The following MIA2 variants were observed in gnomAD, a reference collection of about 807,000 sequenced individuals.
MIA2 encodes melanoma inhibitory activity protein 2.
MIA2 carries 127 observed loss-of-function variants against 167.8 expected under a neutral mutation model. The ratio of observed to expected loss-of-function variants is 0.76; its 90% CI spans 0.66 to 0.88. The LOEUF is 0.88. Ranked by LOEUF, MIA2 falls within the 40% of genes least tolerant of loss-of-function variation. The pLI is 0.00. For synonymous variants in MIA2, 552 were observed against 541.9 expected (o/e 1.02, Z -0.26); for missense variants, 1,690 against 1,624.7 (o/e 1.04, Z -0.69).
intron 28 of MIA2, among the ~76,000 whole-genome samples, chr14:39,349,351 T>A (rs1018606808): frequency 6.6e-6 from 1 of 152,262 alleles, no homozygotes; most frequent in African/African-American, 2.4e-5. Context: ...CTGGCTAAGA[T>A]ATTTTTTAAA....
At chr14:39,280,174 A>G (rs1297008335) in intron 9 of MIA2, among the ~76,000 whole-genome samples, 1 of 151,844 alleles carries the variant, frequency 6.6e-6, no homozygotes, top group Non-Finnish European at 1.5e-5. Context: ...AATATATGTG[A>G]GTCTGTTTCT....
At chr14:39,245,185 C>T (rs1419448480) in intron 3 of MIA2, among the ~76,000 whole-genome samples, 2 of 151,358 alleles carry the variant, frequency 1.3e-5, no homozygotes, top group East Asian at 1.9e-4. Flanking sequence ...AAGCAGTCCT[C>T]CTGCCTTGGC....
intron 6 of MIA2, among the ~76,000 whole-genome samples, chr14:39,259,001 A>G (rs558428918): frequency 1.8e-4 from 27 of 152,320 alleles, no homozygotes; most frequent in African/African-American, 6.3e-4. Flanking sequence ...GCTCTCCTGT[A>G]TGAGGTGTCT....
At chr14:39,366,345 G>T in intron 23 of MIA2, among the ~76,000 whole-genome samples, 1 of 152,186 alleles carries the variant, frequency 6.6e-6, no homozygotes, top group East Asian at 1.9e-4. Context: ...AGTTGCATTG[G>T]TGGGCCAGGC....
rs769645298 is a variant in MIA2 at position 39,295,032 on chromosome 14, T to C, written c.2496+3T>C. 52 of 1,585,274 alleles carry C rather than the reference T, an allele frequency of 3.3e-5. No individual in the cohort carries two copies. The highest frequency in any genetic ancestry group is 4.2e-5 in the Non-Finnish European group (48 of 1,153,986). ...AACTTCAGGAAAGCCAGAAACAGGTTTGTGCTCCGTAGGGACTCTTCAACT... is the reference window on the plus strand; with the variant it reads ...AACTTCAGGAAAGCCAGAAACAGGTCTGTGCTCCGTAGGGACTCTTCAACT... On this transcript the variant is annotated splice_donor_region_variant and intron_variant, in intron 13 of 28. Coordinates refer to ENST00000640607, the MANE Select transcript of MIA2 (RefSeq NM_001329214.4).
chr14:39,385,304 CA>C, intron 23 of MIA2: 1 of 687,396 alleles, frequency 1.5e-6, no homozygotes, highest in Non-Finnish European at 2.6e-6. Context: ...AAAAAATCCA[CA>C]CAACTTCCAA....
intron 4 of MIA2, among the ~76,000 whole-genome samples, chr14:39,250,876 A>G (rs915764465): frequency 2.0e-5 from 3 of 151,928 alleles, no homozygotes; most frequent in Admixed American, 1.3e-4. Context: ...TAAATTTCAG[A>G]AAAAAAGACG....
intron 6 of MIA2, among the ~76,000 whole-genome samples, chr14:39,272,444 A>G (rs115592050): frequency 2.3e-3 from 351 of 152,330 alleles, no homozygotes; most frequent in African/African-American, 8.0e-3. Flanking sequence ...GGGCCAAACA[A>G]GAAGGCAAGT....
intron 6 of MIA2, among the ~76,000 whole-genome samples, chr14:39,275,139 T>TGTGTGTGTGTGTGTGTGTGTG (rs371189920): frequency 7.9e-6 from 1 of 126,634 alleles, no homozygotes; most frequent in African/African-American, 3.0e-5. Context: ...CCTTAATCCT[T>TGTGTGTGTGTGTGTGTGTGTG]TGTGTGTGTG....
chr14:39,238,227 C>G (rs2053855420), intron 2 of MIA2, among the ~76,000 whole-genome samples: 1 of 151,048 alleles, frequency 6.6e-6, no homozygotes, highest in African/African-American at 2.4e-5. Flanking sequence ...GACTGGAGTG[C>G]AGTGGCACGA....
chr14:39,266,981 C>T, intron 6 of MIA2: 1 of 760,294 alleles, frequency 1.3e-6, no homozygotes, highest in Non-Finnish European at 1.6e-6. Flanking sequence ...GAGTATGAGG[C>T]CGAATCTCAT....
intron 3 of MIA2, among the ~76,000 whole-genome samples, chr14:39,243,095 C>T (rs1051670953): frequency 2.0e-5 from 3 of 146,852 alleles, no homozygotes; most frequent in Non-Finnish European, 4.4e-5. Flanking sequence ...TGCACTCCAG[C>T]CTGGGTGACA....
At chr14:39,342,717 C>T (rs1189981580) in intron 25 of MIA2, among the ~76,000 whole-genome samples, 1 of 152,126 alleles carries the variant, frequency 6.6e-6, no homozygotes, top group Non-Finnish European at 1.5e-5. Context: ...GTAAATAAGA[C>T]ATAAAAAGAA....
At chr14:39,238,490 T>C (rs1265019626) in intron 2 of MIA2, among the ~76,000 whole-genome samples, 2 of 151,934 alleles carry the variant, frequency 1.3e-5, no homozygotes, top group Non-Finnish European at 2.9e-5. Context: ...TATAAGTTTT[T>C]TATAGAAAAA....
intron 18 of MIA2, among the ~76,000 whole-genome samples, chr14:39,309,685 A>G (rs2152922261): frequency 6.6e-6 from 1 of 152,016 alleles, no homozygotes; most frequent in Non-Finnish European, 1.5e-5. Flanking sequence ...TCTTTCTTTT[A>G]TCTTCCTTAT....
At chr14:39,304,666 T>C (rs2063048342) in intron 17 of MIA2, among the ~76,000 whole-genome samples, 1 of 146,190 alleles carries the variant, frequency 6.8e-6, no homozygotes, top group South Asian at 2.1e-4. Flanking sequence ...TGTGTTTGAA[T>C]GGTTTTAGAT....
Position 39,293,186 on chromosome 14 carries a change from T to C in MIA2, c.2209-85T>C, listed in dbSNP as rs111989751. 2.9e-3 allele frequency: 2,563 copies of C among 894,114 alleles called. 18 individuals carry two copies. The highest frequency in any genetic ancestry group is 0.018 in the Middle Eastern group (52 of 2,962). 55.4% of individuals were successfully genotyped at this position (894,114 alleles called of 1,614,324 possible). ...GTATAAATGAAAGTTATTTAACTTA[T>C]AGTACATATTTTTTATTATGCTCGT... On this transcript the variant is annotated intron_variant, in intron 10 of 28. Transcript: ENST00000640607.
chr14:39,298,413 T>TCATATATA (rs2061741128), intron 13 of MIA2, among the ~76,000 whole-genome samples: 1 of 26,138 alleles, frequency 3.8e-5, no homozygotes, highest in Non-Finnish European at 8.1e-5. Flanking sequence ...TGATTCTGTT[T>TCATATATA]TATATATATA....
chr14:39,378,009 C>T (rs920502659), intron 23 of MIA2, among the ~76,000 whole-genome samples: 3 of 152,092 alleles, frequency 2.0e-5, no homozygotes, highest in African/African-American at 7.2e-5. Context: ...GCCAGTTTTT[C>T]CAAGGGGCTC....
Sources: allele counts gnomAD v4.1 joint callset (sites outside exome capture counted in the v4.1 genomes callset), GRCh38; gene constraint gnomAD v4.1.1; transcripts MANE v1.5; gene names NCBI Gene and HGNC (gene_info 2026-07-23, HGNC 2026-07-21).